TMC7: variants seen among roughly 807,000 people sequenced by gnomAD.
The protein encoded by TMC7 is transmembrane channel-like protein 7.
Under a neutral mutation model 82.9 loss-of-function variants are expected in TMC7, and 54 were observed. The observed-to-expected ratio is 0.65, with a 90% CI of 0.52 to 0.82. The LOEUF (loss-of-function observed/expected upper bound fraction) is 0.82. Among genes scored for constraint, TMC7 ranks in the 40% least tolerant of loss-of-function variants. The pLI, the probability that TMC7 is intolerant of heterozygous loss-of-function variation, is 0.00. For synonymous variants in TMC7, 350 were observed against 337.9 expected (o/e 1.04, Z -0.39); for missense variants, 820 against 901.2 (o/e 0.91, Z 1.15).
intron 6 of TMC7, among the ~76,000 whole-genome samples, chr16:19,034,910 G>T (rs1481441492): frequency 6.6e-6 from 1 of 152,150 alleles, no homozygotes; most frequent in African/African-American, 2.4e-5. Flanking sequence ...GGATATCTAG[G>T]CTGTATTAAG....
intron 14 of TMC7, among the ~76,000 whole-genome samples, chr16:19,057,236 C>T (rs991351613): frequency 2.6e-5 from 4 of 152,172 alleles, no homozygotes; most frequent in African/African-American, 9.7e-5. Flanking sequence ...AGCCCAATGC[C>T]TGGCTTATAA....
At chr16:19,056,728 C>T (rs1567531810) in intron 14 of TMC7, 31 bp downstream of exon 14, 1 of 1,605,376 alleles carries the variant, frequency 6.2e-7, no homozygotes, top group Non-Finnish European at 8.5e-7. Context: ...CCCACTGAGG[C>T]ACGTGGGCTC....
intron 5 of TMC7, 109 bp downstream of exon 5, chr16:19,023,304 G>A (rs1423870118): frequency 9.8e-6 from 6 of 609,662 alleles, no homozygotes; most frequent in Non-Finnish European, 1.4e-5. Context: ...ACAAGTGTTG[G>A]TTGACACATG....
chr16:19,009,714 T>A (rs982852097), intron 2 of TMC7, among the ~76,000 whole-genome samples: 3 of 151,392 alleles, frequency 2.0e-5, no homozygotes, highest in Non-Finnish European at 4.4e-5. Flanking sequence ...CTGAGGCGGG[T>A]GGATCACCTG....
rs747327263 is a variant in TMC7, at chr16:19,056,719, C to T, written c.2027+22C>T. The T allele has an allele frequency of 1.9e-6, 3 of 1,609,856 alleles. No homozygotes were observed. The South Asian group carries it at 3.3e-5, about 18-fold the overall frequency. On this transcript the variant is annotated intron_variant, in intron 14 of 15. Coordinates refer to ENST00000304381, the MANE Select transcript of TMC7 (RefSeq NM_024847.4). ...TTTGGTGAGTGAGAACCACCAGGAC[C>T]CACTGAGGCACGTGGGCTCCTCCCA...
At chr16:19,030,443 A>C in intron 6 of TMC7, 74 bp downstream of exon 6, 1 of 1,514,244 alleles carries the variant, frequency 6.6e-7, no homozygotes, top group South Asian at 1.3e-5. Context: ...GGAGCTCTGG[A>C]AGCCATTGCC....
chr16:19,054,791 C>CTGGAG (rs1418230675), intron 13 of TMC7, among the ~76,000 whole-genome samples: 2 of 126,764 alleles, frequency 1.6e-5, no homozygotes, highest in East Asian at 5.3e-4. Flanking sequence ...GTCACCCAGG[C>CTGGAG]TGGAGTGCAG....
chr16:19,005,056 T>A (rs550938947), intron 1 of TMC7, among the ~76,000 whole-genome samples: 5 of 144,144 alleles, frequency 3.5e-5, no homozygotes, highest in Non-Finnish European at 6.0e-5. Context: ...AAATACTTTA[T>A]TTTATTTATT....
chr16:18,989,670 T>A (rs1212907042), intron 1 of TMC7, among the ~76,000 whole-genome samples: 10 of 150,372 alleles, frequency 6.7e-5, no homozygotes, highest in African/African-American at 2.4e-4. Flanking sequence ...ATGGAGCTTC[T>A]AGTCAAGCGA....
chr16:19,027,374 A>AAC, intron 5 of TMC7, among the ~76,000 whole-genome samples: 1 of 152,126 alleles, frequency 6.6e-6, no homozygotes, highest in South Asian at 2.1e-4. Flanking sequence ...GCCCAGAACC[A>AAC]CTAACTCTTG....
chr16:19,037,841 A>G, intron 7 of TMC7, 33 bp from the exon 8 acceptor site: 1 of 1,597,136 alleles, frequency 6.3e-7, no homozygotes, highest in Non-Finnish European at 8.5e-7. Flanking sequence ...CCTTCATCCC[A>G]CTGCTCACAA....
intron 13 of TMC7, among the ~76,000 whole-genome samples, chr16:19,055,050 A>G (rs1180130372): frequency 6.6e-6 from 1 of 151,598 alleles, no homozygotes; most frequent in Admixed American, 6.6e-5. Context: ...ACCTGGCCAT[A>G]TTGTTATTTT....
intron 2 of TMC7, among the ~76,000 whole-genome samples, chr16:19,014,054 G>C (rs886612646): frequency 5.3e-5 from 8 of 151,510 alleles, no homozygotes; most frequent in Admixed American, 5.3e-4. Context: ...TTTTAGTAGA[G>C]ATGGGGTTTC....
intron 11 of TMC7, among the ~76,000 whole-genome samples, chr16:19,045,696 A>G (rs1961246024): frequency 6.7e-6 from 1 of 148,918 alleles, no homozygotes; most frequent in South Asian, 2.1e-4. Context: ...TCCCAGGTTC[A>G]AGCGATTCTC....
intron 6 of TMC7, among the ~76,000 whole-genome samples, chr16:19,034,645 T>C (rs1960664398): frequency 6.7e-6 from 1 of 149,404 alleles, no homozygotes; most frequent in African/African-American, 2.5e-5. Context: ...TAAAAGGGAC[T>C]GACTTGAAGT....
chr16:19,020,853 AAAAT>A (rs144614183), intron 3 of TMC7, among the ~76,000 whole-genome samples: 1,530 of 142,560 alleles, frequency 0.011, 20 homozygotes, highest in African/African-American at 0.033. Context: ...CATGGTGTCA[AAAAT>A]AAATAAATAA....
intron 9 of TMC7, among the ~76,000 whole-genome samples, chr16:19,044,277 C>A (rs562672006): frequency 6.6e-6 from 1 of 152,242 alleles, no homozygotes; most frequent in East Asian, 1.9e-4. Flanking sequence ...TCAAACAATC[C>A]TCTGGGCTCA....
At chr16:19,022,555 T>C (rs901432640) in intron 4 of TMC7, among the ~76,000 whole-genome samples, 3 of 152,216 alleles carry the variant, frequency 2.0e-5, no homozygotes, top group Admixed American at 1.3e-4. Context: ...GTTTGTAACC[T>C]AGGAGCATAG....
chr16:18,988,336 G>A (rs986522560), intron 1 of TMC7, among the ~76,000 whole-genome samples: 2 of 151,220 alleles, frequency 1.3e-5, no homozygotes, highest in Non-Finnish European at 2.9e-5. Context: ...TGTATTTTTG[G>A]TAGAGATGAT....
Sources: allele counts gnomAD v4.1 joint callset (sites outside exome capture counted in the v4.1 genomes callset), GRCh38; gene constraint gnomAD v4.1.1; transcripts MANE v1.5; gene names NCBI Gene and HGNC (gene_info 2026-07-23, HGNC 2026-07-21).